The following SNX29 variants were observed in gnomAD, a reference collection of about 807,000 sequenced individuals.
SNX29 encodes the protein sorting nexin-29.
In SNX29, 78 loss-of-function variants were observed where a neutral mutation model predicts 102.1. That is an observed-to-expected ratio of 0.76 (90% CI 0.64 to 0.92). The LOEUF (loss-of-function observed/expected upper bound fraction) is 0.92. Ranked by LOEUF, SNX29 falls within the 40% of genes least tolerant of loss-of-function variation. The pLI is 0.00. For synonymous variants in SNX29, 580 were observed against 414.5 expected, an observed-to-expected ratio of 1.40 and a Z score of -4.85; for missense variants, 1,280 against 1,061.7, an observed-to-expected ratio of 1.21 and a Z score of -2.86.
chr16:12,149,612 G>A (rs960661300), intron 13 of SNX29, among the ~76,000 whole-genome samples: 12 of 152,282 alleles, frequency 7.9e-5, no homozygotes, highest in South Asian at 4.2e-4. Context: ...GCACTTGCTA[G>A]CATTGTGACC....
intron 17 of SNX29, 90 bp downstream of exon 17, chr16:12,398,591 A>C (rs2083808982): frequency 1.4e-6 from 2 of 1,454,166 alleles, no homozygotes; most frequent in East Asian, 4.5e-5. Context: ...GGGGAAACAG[A>C]AATCACTGTT....
chr16:12,125,386 C>T (rs894653242), intron 11 of SNX29, among the ~76,000 whole-genome samples: 4 of 152,080 alleles, frequency 2.6e-5, no homozygotes, highest in African/African-American at 9.7e-5. Flanking sequence ...ACTGCTTTGG[C>T]TGCACTTGTG....
intron 15 of SNX29, among the ~76,000 whole-genome samples, chr16:12,330,102 C>T (rs748423354): frequency 3.3e-5 from 5 of 152,156 alleles, no homozygotes; most frequent in African/African-American, 2.4e-5. Context: ...AAATAATTTA[C>T]AGCTTAAGTA....
At chr16:12,284,517 G>C (rs1383860773) in intron 15 of SNX29, among the ~76,000 whole-genome samples, 1 of 152,192 alleles carries the variant, frequency 6.6e-6, no homozygotes, top group East Asian at 1.9e-4. Flanking sequence ...CCTGGTTTTG[G>C]TTCAGGGCTG....
At position 12,551,047 on chromosome 16, in the gene SNX29, G is replaced by C. The variant is rs1005976228; in HGVS notation, c.2319-17459G>C. 1.3e-5 allele frequency among the ~76,000 whole-genome samples: 2 copies of C among 152,154 alleles called. 1 individual carries two copies. Among genetic ancestry groups the C allele is most frequent in the Admixed American group, 1.3e-4 (2 of 15,280 alleles). On this transcript the variant is annotated intron_variant, in intron 20 of 20. Transcript: ENST00000566228. ...GGGCTTCTAAACAAGGTGTCATCCA[G>C]ATGAAGGAAGTGGGGTGTTTTCATC...
At chr16:12,161,547 A>G (rs2055785524) in intron 13 of SNX29, among the ~76,000 whole-genome samples, 1 of 152,218 alleles carries the variant, frequency 6.6e-6, no homozygotes, top group Non-Finnish European at 1.5e-5. Flanking sequence ...TAGGGTGGGC[A>G]TCTGATACGG....
At chr16:12,205,094 C>G (rs1025534562) in intron 14 of SNX29, among the ~76,000 whole-genome samples, 1 of 152,204 alleles carries the variant, frequency 6.6e-6, no homozygotes, top group Non-Finnish European at 1.5e-5. Context: ...AAGGCTGATT[C>G]AGTGAAGATG....
chr16:12,460,657 C>CTTT (rs56823217), intron 18 of SNX29, among the ~76,000 whole-genome samples: 3 of 133,688 alleles, frequency 2.2e-5, no homozygotes, highest in East Asian at 4.2e-4. Flanking sequence ...TGTGTGAACT[C>CTTT]TTTTTTTTTT....
intron 3 of SNX29, among the ~76,000 whole-genome samples, chr16:12,021,171 A>T (rs541930382): frequency 1.3e-5 from 2 of 152,316 alleles, no homozygotes; most frequent in South Asian, 4.1e-4. Flanking sequence ...TCATGCCTGG[A>T]ATCCCAGCAC....
intron 13 of SNX29, among the ~76,000 whole-genome samples, chr16:12,144,563 T>A (rs759865425): frequency 7.2e-5 from 11 of 152,210 alleles, no homozygotes; most frequent in Non-Finnish European, 1.5e-4. Flanking sequence ...CCTTCTGACC[T>A]ATGATGACGC....
chr16:12,248,432 A>G (rs1038314131), intron 14 of SNX29, among the ~76,000 whole-genome samples: 6 of 145,070 alleles, frequency 4.1e-5, no homozygotes, highest in East Asian at 2.0e-4. Context: ...GTCTCACTCT[A>G]TCACCCAGGC....
intron 16 of SNX29, among the ~76,000 whole-genome samples, chr16:12,389,667 TAAG>T (rs1275910214): frequency 6.6e-6 from 1 of 152,180 alleles, no homozygotes; most frequent in Non-Finnish European, 1.5e-5. Context: ...TGTAACCCTT[TAAG>T]AAGAACTCCT....
intron 18 of SNX29, among the ~76,000 whole-genome samples, chr16:12,435,064 G>C (rs920054746): frequency 6.6e-6 from 1 of 152,100 alleles, no homozygotes; most frequent in Non-Finnish European, 1.5e-5. Flanking sequence ...GGGCCAGTCT[G>C]TCCATCCCCA....
chr16:12,434,938 A>G (rs979824757), intron 18 of SNX29, among the ~76,000 whole-genome samples: 1 of 126,554 alleles, frequency 7.9e-6, no homozygotes, highest in Non-Finnish European at 1.6e-5. Flanking sequence ...GGGAACTGGC[A>G]CTTGGTGTCT....
intron 18 of SNX29, among the ~76,000 whole-genome samples, chr16:12,462,237 T>C (rs1325965438): frequency 6.6e-6 from 1 of 151,558 alleles, no homozygotes; most frequent in Non-Finnish European, 1.5e-5. Flanking sequence ...AGCTTCACTT[T>C]CCGCCATTCA....
At position 12,570,164 on chromosome 16, in the gene SNX29, C is replaced by G; in HGVS notation, c.*1535C>G. 9.4e-7 allele frequency: 1 copy of G among 1,065,334 alleles called. No homozygotes were observed. The highest frequency in any genetic ancestry group is 1.1e-6 in the Non-Finnish European group (1 of 879,166). 66.0% of individuals were successfully genotyped at this position (1,065,334 alleles called of 1,614,324 possible). A position where few individuals can be genotyped will look rare whatever the true frequency, so the allele number is the denominator to read the frequency against. Reference sequence around the variant, plus strand: ...GAGATCACTCACACACAGCGCCCCCCCACCCCAGAGAAACCGAGTCAGCCT... The same window carrying G: ...GAGATCACTCACACACAGCGCCCCCGCACCCCAGAGAAACCGAGTCAGCCT... On this transcript the variant is annotated 3_prime_UTR_variant, in exon 21 of 21. Transcript: ENST00000566228.
chr16:12,412,970 C>T (rs577600430), intron 18 of SNX29, among the ~76,000 whole-genome samples: 50 of 152,322 alleles, frequency 3.3e-4, no homozygotes, highest in Non-Finnish European at 5.1e-4. Context: ...ACTCCTTCTG[C>T]GCCCAGAAGT....
In SNX29 at chr16:12,027,416, A is replaced by C; in HGVS notation, c.219A>C (p.Ala73=). The C allele has an allele frequency of 1.2e-6, 2 of 1,614,126 alleles. No homozygotes were observed. Among genetic ancestry groups the C allele is most frequent in the Non-Finnish European group, 1.7e-6 (2 of 1,179,986 alleles). ...TCACAGCGGCAGCGATCAAGCAGGC[A>C]GCGGGCTTTGCCAGCAAAACCGAAA... ...LALTAAAIKQ[A]AGFASKTETE... The change falls in exon 4 of 21, where the codon GCA becomes GCC. Residue 73 remains alanine, a synonymous_variant. Coordinates refer to ENST00000566228, the MANE Select transcript of SNX29 (RefSeq NM_032167.5).
At chr16:12,091,500 C>T (rs1293189648) in intron 11 of SNX29, among the ~76,000 whole-genome samples, 1 of 152,002 alleles carries the variant, frequency 6.6e-6, no homozygotes, top group African/African-American at 2.4e-5. Context: ...AAAAGGGACC[C>T]CAGAGGTTGG....
Sources: allele counts gnomAD v4.1 joint callset (sites outside exome capture counted in the v4.1 genomes callset), GRCh38; gene constraint gnomAD v4.1.1; transcripts MANE v1.5; gene names NCBI Gene and HGNC (gene_info 2026-07-23, HGNC 2026-07-21).